Variants in GALNTL5 observed in about 807,000 individuals in gnomAD.
GALNTL5 encodes the protein inactive polypeptide N-acetylgalactosaminyltransferase-like protein 5.
In GALNTL5, 44 loss-of-function variants were observed where a neutral mutation model predicts 51.0. That is an observed-to-expected ratio of 0.86 (90% CI 0.68 to 1.11). The LOEUF (loss-of-function observed/expected upper bound fraction) is 1.11, where lower values mean the gene tolerates loss of function less well. Ranked by LOEUF, GALNTL5 falls within the 50% of genes least tolerant of loss-of-function variation. The pLI, the probability that GALNTL5 is intolerant of heterozygous loss-of-function variation, is 0.00. For synonymous variants in GALNTL5, 192 were observed against 182.8 expected, an observed-to-expected ratio of 1.05 and a Z score of -0.41; for missense variants, 528 against 531.8, an observed-to-expected ratio of 0.99 and a Z score of 0.07.
rs988814435 is a variant in GALNTL5 at position 151,979,812 on chromosome 7, C to A, written c.369-3174C>A. Reference sequence around the variant, plus strand: ...CATTTGTTGATCTATTTTTGAGAAACCCACACACACCAGGTTCTCTTGGGG... The same window carrying A: ...CATTTGTTGATCTATTTTTGAGAAAACCACACACACCAGGTTCTCTTGGGG... On this transcript the variant is annotated intron_variant, in intron 3 of 8. Transcript: ENST00000392800. Among the ~76,000 whole-genome samples, 6 of 152,158 alleles carry A rather than the reference C, an allele frequency of 3.9e-5. No individual in the cohort carries two copies. The East Asian group carries it at 9.7e-4, about 25-fold the overall frequency.
chr7:151,994,969 G>A (rs1485021053), intron 5 of GALNTL5: 1 of 152,084 alleles, frequency 6.6e-6, no homozygotes, highest in Non-Finnish European at 1.5e-5. Flanking sequence ...GTGTTAGCCA[G>A]GATGGTCTCG....
At chr7:151,995,330 T>C (rs2081483371) in intron 5 of GALNTL5, 1 of 137,386 alleles carries the variant, frequency 7.3e-6, no homozygotes. Flanking sequence ...TAAAGAAATC[T>C]ACGATCAGTT....
intron 7 of GALNTL5, among the ~76,000 whole-genome samples, chr7:152,008,647 T>C (rs561918475): frequency 6.6e-6 from 1 of 152,222 alleles, no homozygotes; most frequent in South Asian, 2.1e-4. Context: ...AGATACTTGA[T>C]TATGCATATA....
At chr7:151,982,110 C>CA (rs1212319459) in intron 3 of GALNTL5, among the ~76,000 whole-genome samples, 4 of 151,964 alleles carry the variant, frequency 2.6e-5, no homozygotes, top group Admixed American at 6.5e-5. Flanking sequence ...TGCACACACA[C>CA]AAAAAAATAA....
intron 4 of GALNTL5, among the ~76,000 whole-genome samples, chr7:151,985,522 A>G (rs986278920): frequency 6.6e-6 from 1 of 152,134 alleles, no homozygotes; most frequent in Non-Finnish European, 1.5e-5. Flanking sequence ...GCTGACACCT[A>G]TAGGTATGGC....
At chr7:152,013,276 C>T (rs913242964) in intron 7 of GALNTL5, among the ~76,000 whole-genome samples, 1 of 151,844 alleles carries the variant, frequency 6.6e-6, no homozygotes, top group Non-Finnish European at 1.5e-5. Context: ...ATGACCTGTG[C>T]TCAAAACCCC....
intron 3 of GALNTL5, among the ~76,000 whole-genome samples, chr7:151,974,158 A>G (rs2081181376): frequency 1.6e-5 from 2 of 121,298 alleles, no homozygotes; most frequent in African/African-American, 6.0e-5. Flanking sequence ...GAAGTAATAT[A>G]ATACAGTACC....
intron 3 of GALNTL5, among the ~76,000 whole-genome samples, chr7:151,973,891 G>C (rs2081177689): frequency 6.6e-6 from 1 of 152,126 alleles, no homozygotes; most frequent in East Asian, 1.9e-4. Context: ...TTGGATCATG[G>C]GAGTAGTTTC....
At chr7:151,992,375 C>G (rs1036653126) in intron 5 of GALNTL5, among the ~76,000 whole-genome samples, 5 of 152,112 alleles carry the variant, frequency 3.3e-5, no homozygotes, top group African/African-American at 1.2e-4. Context: ...TTCATTTTTT[C>G]CCAGTTCTAG....
rs1297152649 is a variant in GALNTL5 at position 151,981,015 on chromosome 7, G to A, written c.369-1971G>A. Reference sequence around the variant, plus strand: ...CCTCCTCAGCCTCCCAAAGTGCTGGGATTACAGGCTTGAGCCACCGCGCCC... The same window carrying A: ...CCTCCTCAGCCTCCCAAAGTGCTGGAATTACAGGCTTGAGCCACCGCGCCC... On this transcript the variant is annotated intron_variant, in intron 3 of 8. Coordinates refer to ENST00000392800, the MANE Select transcript of GALNTL5 (RefSeq NM_145292.4). 2.0e-5 allele frequency among the ~76,000 whole-genome samples: 3 copies of A among 152,096 alleles called. No homozygotes were observed. In the East Asian group the frequency reaches 5.8e-4, roughly 29 times the overall value.
At chr7:152,015,360 CT>C (rs202199371) in intron 8 of GALNTL5, among the ~76,000 whole-genome samples, 45,226 of 131,758 alleles carry the variant, frequency 0.34, 6,862 homozygotes, top group African/African-American at 0.42. Flanking sequence ...ATGTGCAACT[CT>C]TTTTTTTTTT....
At chr7:151,991,154 G>A (rs1285912074) in intron 5 of GALNTL5, among the ~76,000 whole-genome samples, 2 of 152,012 alleles carry the variant, frequency 1.3e-5, no homozygotes, top group Non-Finnish European at 2.9e-5. Context: ...GTGCAATGGC[G>A]TCATCTCGGC....
At chr7:151,996,647 G>C (rs191768479) in intron 5 of GALNTL5, among the ~76,000 whole-genome samples, 71 of 152,184 alleles carry the variant, frequency 4.7e-4, no homozygotes, top group Admixed American at 8.5e-4. Context: ...TATTTGGGAG[G>C]GCGAGGCAGG....
At chr7:151,997,736 C>T (rs1313312641) in intron 5 of GALNTL5, among the ~76,000 whole-genome samples, 2 of 152,100 alleles carry the variant, frequency 1.3e-5, no homozygotes, top group South Asian at 4.2e-4. Context: ...ACACTGTATA[C>T]AGTAAAGAGA....
intron 2 of GALNTL5, 55 bp downstream of exon 2, chr7:151,967,548 T>C: frequency 6.7e-7 from 1 of 1,497,092 alleles, no homozygotes; most frequent in East Asian, 2.3e-5. Context: ...TGTACAACAA[T>C]ATTTAATATT....
chr7:151,965,989 T>C (rs1453676818), intron 1 of GALNTL5, among the ~76,000 whole-genome samples: 2 of 152,136 alleles, frequency 1.3e-5, no homozygotes, highest in African/African-American at 4.8e-5. Flanking sequence ...ATAATCACTA[T>C]TATGTAAATT....
At chr7:151,964,523 T>C (rs2081032329) in intron 1 of GALNTL5, among the ~76,000 whole-genome samples, 1 of 152,114 alleles carries the variant, frequency 6.6e-6, no homozygotes, top group South Asian at 2.1e-4. Context: ...ACAAACTCTC[T>C]CTTTGCCTGC....
chr7:151,961,524 A>G (rs1052917867), intron 1 of GALNTL5, among the ~76,000 whole-genome samples: 2 of 152,176 alleles, frequency 1.3e-5, no homozygotes, highest in African/African-American at 4.8e-5. Flanking sequence ...ACAAAACTGT[A>G]GAAGCCAAAT....
At chr7:151,982,222 G>C (rs1364281473) in intron 3 of GALNTL5, among the ~76,000 whole-genome samples, 1 of 151,968 alleles carries the variant, frequency 6.6e-6, no homozygotes, top group Non-Finnish European at 1.5e-5. Flanking sequence ...AGACCAGCCT[G>C]GCCAACATGG....
Sources: gnomAD v4.1 joint callset for allele counts (sites outside exome capture counted in the v4.1 genomes callset) on GRCh38, gnomAD v4.1.1 for gene constraint, MANE v1.5 for transcripts, NCBI Gene and HGNC (gene_info 2026-07-23, HGNC 2026-07-21) for gene names.